KIAA1549: variants seen among roughly 807,000 people sequenced by gnomAD.
KIAA1549 encodes the protein KIAA1549.
Under a neutral mutation model 156.4 loss-of-function variants are expected in KIAA1549, and 70 were observed. That is an observed-to-expected ratio of 0.45 (90% CI 0.37 to 0.55). The LOEUF (loss-of-function observed/expected upper bound fraction) is 0.55, where lower values mean the gene tolerates loss of function less well. Ranked by LOEUF, KIAA1549 falls within the 20% of genes least tolerant of loss-of-function variation. KIAA1549 has a pLI of 0.00. For missense variants in KIAA1549, 2,428 were observed against 2,540.9 expected (o/e 0.96, Z 0.96); for synonymous variants, 1,103 against 1,066.4 (o/e 1.03, Z -0.67).
At chr7:138,977,655 A>AACACACACACACACACACACACAC (rs10625706) in intron 1 of KIAA1549, among the ~76,000 whole-genome samples, 84 of 146,910 alleles carry the variant, frequency 5.7e-4, no homozygotes, top group Middle Eastern at 3.5e-3. Context: ...TACTCAAGAA[A>AACACACACACACACACACACACAC]ACACACACAC....
chr7:138,978,787 C>T (rs1814455544), intron 1 of KIAA1549, among the ~76,000 whole-genome samples: 1 of 152,166 alleles, frequency 6.6e-6, no homozygotes, highest in South Asian at 2.1e-4. Flanking sequence ...AGCTCTCCTA[C>T]ATTCCAAATC....
chr7:138,937,429 CT>C (rs1706224219), intron 1 of KIAA1549, among the ~76,000 whole-genome samples: 1 of 152,226 alleles, frequency 6.6e-6, no homozygotes, highest in Admixed American at 6.5e-5. Context: ...CAACAAACAC[CT>C]ACCGGTCATG....
intron 7 of KIAA1549, 42 bp from the exon 8 acceptor site, chr7:138,903,778 A>G: frequency 2.6e-6 from 4 of 1,531,866 alleles, no homozygotes; most frequent in Non-Finnish European, 3.5e-6. Flanking sequence ...AAAACAAGTC[A>G]GCAGTAAAAA....
At chr7:138,855,564 G>A (rs1326738651) in intron 16 of KIAA1549, among the ~76,000 whole-genome samples, 4 of 152,122 alleles carry the variant, frequency 2.6e-5, no homozygotes, top group Admixed American at 6.5e-5. Context: ...TTCCTTTGCA[G>A]CACCTGGTCT....
chr7:138,953,806 G>A (rs1584781072), intron 1 of KIAA1549, among the ~76,000 whole-genome samples: 2 of 152,112 alleles, frequency 1.3e-5, no homozygotes, highest in East Asian at 3.8e-4. Flanking sequence ...AACTAAACAA[G>A]CACTTATTTC....
rs1231031670 is a variant in KIAA1549 at position 138,836,528 on chromosome 7, G to C, written c.*1378C>G. 4.6e-6 allele frequency: 1 copy of C among 215,816 alleles called. No individual in the cohort carries two copies. Among genetic ancestry groups the C allele is most frequent in the East Asian group, 6.9e-5 (1 of 14,390 alleles). The allele number at this position is 215,816 out of a possible 1,614,324, so 13.4% of individuals were successfully genotyped here. On this transcript the variant is annotated 3_prime_UTR_variant, in exon 20 of 20. Transcript: ENST00000422774. ...GATCTAATAAAAACAGGTTAATAGT[G>C]AAAATCTCTTAGCTAAGCCTGCTTT... is the stretch of plus-strand genomic sequence containing the variant.
intron 9 of KIAA1549, among the ~76,000 whole-genome samples, chr7:138,897,763 G>A (rs148132878): frequency 1.6e-3 from 250 of 151,674 alleles, no homozygotes; most frequent in African/African-American, 5.8e-3. Context: ...GTGTAGTGGT[G>A]GTGACTGTGG....
chr7:138,957,037 T>C (rs1356936022), intron 1 of KIAA1549, among the ~76,000 whole-genome samples: 1 of 152,168 alleles, frequency 6.6e-6, no homozygotes, highest in Non-Finnish European at 1.5e-5. Context: ...CTGGGATTTC[T>C]GGAAGTCTTC....
At chr7:138,875,285 C>G (rs908867369) in intron 12 of KIAA1549, among the ~76,000 whole-genome samples, 1 of 150,424 alleles carries the variant, frequency 6.6e-6, no homozygotes, top group Non-Finnish European at 1.5e-5. Context: ...AAAAACACAT[C>G]ATGTTGTACA....
chr7:138,927,835 T>C (rs1475174217), intron 1 of KIAA1549, among the ~76,000 whole-genome samples: 1 of 152,140 alleles, frequency 6.6e-6, no homozygotes, highest in African/African-American at 2.4e-5. Context: ...AACCTTGTGG[T>C]TTTAATTTGC....
rs965952750 is a variant in KIAA1549 at position 138,837,115 on chromosome 7, C to T, written c.*791G>A. ...AGCAAATACAATGAAGAATGTAGAT[C>T]TAAACTTTGATCTGTATTTTGGATA... On this transcript the variant is annotated 3_prime_UTR_variant, in exon 20 of 20. Transcript: ENST00000422774. 4 of 227,268 alleles carry T rather than the reference C, an allele frequency of 1.8e-5. No homozygotes were observed. Among genetic ancestry groups the T allele is most frequent in the South Asian group, 1.8e-4 (1 of 5,486 alleles). The allele number at this position is 227,268 out of a possible 1,614,324, so 14.1% of individuals were successfully genotyped here. A position where few individuals can be genotyped will look rare whatever the true frequency, so the allele number is the denominator to read the frequency against.
In KIAA1549 at chr7:138,917,412, C is replaced by T. The variant is rs370783426; in HGVS notation, c.2214G>A (p.Thr738=). 42 of 1,613,892 alleles carry T rather than the reference C, an allele frequency of 2.6e-5. No homozygotes were observed. The African/African-American group carries it at 2.8e-4, about 11-fold the overall frequency. ...EFVEASTVSL[T]DSEAHFTSAF... ...CTGAGGTAAAATGAGCTTCTGAATC[C>T]GTCAGTGAAACCGTAGACGCTTCAA... Residue 738 remains threonine (T), a synonymous_variant, in exon 2 of 20, where the codon ACG becomes ACA. Coordinates refer to ENST00000422774, the MANE Select transcript of KIAA1549 (RefSeq NM_001164665.2).
intron 5 of KIAA1549, among the ~76,000 whole-genome samples, chr7:138,907,537 G>A (rs575442766): frequency 3.3e-5 from 5 of 152,320 alleles, no homozygotes; most frequent in South Asian, 2.1e-4. Context: ...CAAGGGCCAC[G>A]CTCTCCAAGA....
In KIAA1549 at chr7:138,912,398, G is replaced by A; in HGVS notation, c.2941C>T (p.His981Tyr). Residue 981 changes from histidine (H) to tyrosine (Y), a missense_variant, in exon 3 of 20, where the codon CAC (histidine) becomes TAC (tyrosine). Physicochemically the swap from His to Tyr is moderately conservative, Grantham distance 83. Around this residue, in one of 5 missense-constraint regions of KIAA1549, gnomAD observed 762 missense variants for 901.6 expected, o/e 0.85. Transcript: ENST00000422774. ...ITAIKEVLRIHFNRAVELKVY... is the reference protein window; with the variant it reads ...ITAIKEVLRIYFNRAVELKVY... ...TTCAGTTCCACTGCACGGTTGAAGT[G>A]AATCCTCAGTACTTCTTTGATTGCT... is the stretch of plus-strand genomic sequence containing the variant. 6.2e-7 allele frequency: 1 copy of A among 1,613,888 alleles called. No homozygotes were observed. The highest frequency in any genetic ancestry group is 8.5e-7 in the Non-Finnish European group (1 of 1,179,812).
intron 17 of KIAA1549, among the ~76,000 whole-genome samples, chr7:138,850,882 A>C (rs896187526): frequency 6.6e-6 from 1 of 152,188 alleles, no homozygotes; most frequent in Non-Finnish European, 1.5e-5. Context: ...TAGGATTAGC[A>C]AATATACTCT....
At chr7:138,877,280 G>A (rs1811114081) in intron 12 of KIAA1549, among the ~76,000 whole-genome samples, 1 of 152,220 alleles carries the variant, frequency 6.6e-6, no homozygotes, top group Non-Finnish European at 1.5e-5. Context: ...GATCACATAA[G>A]GCCAGGAGTT....
chr7:138,861,349 G>A lies in KIAA1549; in HGVS notation c.5037C>T (p.Ser1679=). The change falls in exon 16 of 20, where the codon TCC becomes TCT. Residue 1679 remains serine, a synonymous_variant. Coordinates refer to ENST00000422774, the MANE Select transcript of KIAA1549 (RefSeq NM_001164665.2). ...GCATGGTCTGGCGTGCCTCCTCGAT[G>A]GACGGCTGGGGTGGGATGTACTGGG... The part of the protein sequence containing the change: ...PASQYIPPQP[S]IEEARQTMHS... 1 of 1,609,012 alleles carries A rather than the reference G, an allele frequency of 6.2e-7. No homozygotes were observed. Among genetic ancestry groups the A allele is most frequent in the Non-Finnish European group, 8.5e-7 (1 of 1,178,496 alleles).
rs142287531 is a variant in KIAA1549, at chr7:138,898,104, C to A, written c.3847+851G>T. Among the ~76,000 whole-genome samples the A allele has an allele frequency of 4.3e-3, 654 of 151,248 alleles. 4 individuals are homozygous for A. Among genetic ancestry groups the A allele is most frequent in the African/African-American group, 0.015 (617 of 41,196 alleles). On this transcript the variant is annotated intron_variant, in intron 9 of 19. Coordinates refer to ENST00000422774, the MANE Select transcript of KIAA1549 (RefSeq NM_001164665.2). ...CAGGCAGATCACAAGGTCAAGAGATCGAGACCATCCGGGCCAACATGGTGA... is the reference window on the plus strand; with the variant it reads ...CAGGCAGATCACAAGGTCAAGAGATAGAGACCATCCGGGCCAACATGGTGA...
At chr7:138,840,568 AT>A (rs1809885587) in intron 18 of KIAA1549, among the ~76,000 whole-genome samples, 1 of 152,080 alleles carries the variant, frequency 6.6e-6, no homozygotes, top group South Asian at 2.1e-4. Context: ...AGAAAATCCC[AT>A]TGCAAAAAAA....
Sources: allele counts gnomAD v4.1 joint callset (sites outside exome capture counted in the v4.1 genomes callset), GRCh38; gene constraint gnomAD v4.1.1; regional missense constraint gnomAD v4.1.1; transcripts MANE v1.5; gene names NCBI Gene and HGNC (gene_info 2026-07-23, HGNC 2026-07-21).